The following RICTOR variants were observed in gnomAD, a reference collection of about 807,000 sequenced individuals.
RICTOR encodes RPTOR independent companion of MTOR complex 2.
A neutral mutation model predicts 214.9 loss-of-function variants in RICTOR; 49 were observed. The observed-to-expected ratio is 0.23, with a 90% CI of 0.18 to 0.29. The LOEUF is 0.29. RICTOR is among the 10% of genes least tolerant of loss of function. The pLI, the probability that RICTOR is intolerant of heterozygous loss-of-function variation, is 1.00. For missense variants in RICTOR, 1,625 were observed against 2,047.0 expected (o/e 0.79, Z 3.98); for synonymous variants, 717 against 711.3 (o/e 1.01, Z -0.13).
chr5:38,939,413 C>T lies in RICTOR; in HGVS notation c.*2891G>A, dbSNP rs1490715873. 4.3e-6 allele frequency: 1 copy of T among 232,002 alleles called. No individual in the cohort carries two copies. Among genetic ancestry groups the T allele is most frequent in the Non-Finnish European group, 8.5e-6 (1 of 117,424 alleles). The allele number at this position is 232,002 out of a possible 1,614,324, so 14.4% of individuals were successfully genotyped here. A position where few individuals can be genotyped will look rare whatever the true frequency, so the allele number is the denominator to read the frequency against. ...TGTCATATAGAATGTCCATATTCTA[C>T]TAATCGTTATTAGAAAAAATTTAAT... On this transcript the variant is annotated 3_prime_UTR_variant, in exon 38 of 38. Transcript: ENST00000357387.
intron 6 of RICTOR, among the ~76,000 whole-genome samples, chr5:38,995,469 C>T (rs779948784): frequency 6.6e-6 from 1 of 151,996 alleles, no homozygotes; most frequent in African/African-American, 2.4e-5. Context: ...GTACAGTGTA[C>T]ACTGCTTGGG....
At chr5:39,064,993 C>T (rs1208769587) in intron 2 of RICTOR, among the ~76,000 whole-genome samples, 1 of 152,182 alleles carries the variant, frequency 6.6e-6, no homozygotes, top group Non-Finnish European at 1.5e-5. Context: ...CTCTGGACTT[C>T]AACTTCAATG....
intron 16 of RICTOR, among the ~76,000 whole-genome samples, chr5:38,964,140 AAAC>A (rs1483356436): frequency 6.6e-6 from 1 of 151,908 alleles, no homozygotes; most frequent in Non-Finnish European, 1.5e-5. Flanking sequence ...CAAAATAAAA[AAAC>A]AACCACAAAA....
rs1242484154 is a variant in RICTOR, at chr5:38,940,736, T to A, written c.*1568A>T. 3 of 232,430 alleles carry A rather than the reference T, an allele frequency of 1.3e-5. No individual in the cohort carries two copies. Among genetic ancestry groups the A allele is most frequent in the Non-Finnish European group, 2.6e-5 (3 of 117,410 alleles). The allele number at this position is 232,430 out of a possible 1,614,324, so 14.4% of individuals were successfully genotyped here. ...TTATGAAGTGAGATGAAATGCTTCA[T>A]CCCAACTGGAACTTTCAGTTCCAGT... On this transcript the variant is annotated 3_prime_UTR_variant, in exon 38 of 38. Coordinates refer to ENST00000357387, the MANE Select transcript of RICTOR (RefSeq NM_152756.5).
chr5:38,943,035 G>A (rs1165474663), intron 36 of RICTOR, 64 bp from the exon 37 acceptor site: 2 of 1,228,056 alleles, frequency 1.6e-6, no homozygotes, highest in Non-Finnish European at 1.2e-6. Flanking sequence ...TTCCTCCAAG[G>A]TATCACTTAC....
chr5:39,011,875 T>C (rs576498725), intron 3 of RICTOR, among the ~76,000 whole-genome samples: 1 of 152,308 alleles, frequency 6.6e-6, no homozygotes, highest in African/African-American at 2.4e-5. Flanking sequence ...CGGAAGGGAC[T>C]TGCCTTGTCT....
intron 9 of RICTOR, among the ~76,000 whole-genome samples, chr5:38,975,879 T>C (rs1405139900): frequency 6.6e-6 from 1 of 152,226 alleles, no homozygotes. Flanking sequence ...AGATAAGATT[T>C]AATTAAGCAT....
rs1315707210 is a variant in RICTOR at position 38,937,969 on chromosome 5, T to C, written c.*4335A>G. 5.3e-6 allele frequency: 1 copy of C among 189,168 alleles called. No individual in the cohort carries two copies. The highest frequency in any genetic ancestry group is 2.3e-5 in the African/African-American group (1 of 42,840). 11.7% of individuals were successfully genotyped at this position (189,168 alleles called of 1,614,324 possible). A position where few individuals can be genotyped will look rare whatever the true frequency, so the allele number is the denominator to read the frequency against. ...TTAACAATGTATCCCTTTGATAAGA[T>C]TATGCTTCAGGAGGCTTTTAATGCC... On this transcript the variant is annotated 3_prime_UTR_variant, in exon 38 of 38. Coordinates refer to ENST00000357387, the MANE Select transcript of RICTOR (RefSeq NM_152756.5). The surrounding 1 kb of genome is among the most constrained non-coding windows in gnomAD (Gnocchi z 4.0).
At chr5:39,007,195 T>C (rs1476846932) in intron 3 of RICTOR, among the ~76,000 whole-genome samples, 1 of 152,182 alleles carries the variant, frequency 6.6e-6, no homozygotes, top group Non-Finnish European at 1.5e-5. Context: ...TGTCACAGAC[T>C]GGGTGGCTTA....
chr5:39,040,239 T>TTC (rs1237783672), intron 2 of RICTOR, among the ~76,000 whole-genome samples: 1 of 146,792 alleles, frequency 6.8e-6, no homozygotes, highest in Non-Finnish European at 1.5e-5. Context: ...ACACCACATG[T>TTC]TCTCACTCAT....
chr5:38,996,670 AATTT>A (rs551156124), intron 6 of RICTOR, 145 bp downstream of exon 6: 17 of 501,528 alleles, frequency 3.4e-5, no homozygotes, highest in East Asian at 9.6e-5. Context: ...AAGTTTAATG[AATTT>A]ATTTAATATA....
At chr5:38,991,830 T>C (rs890570302) in intron 6 of RICTOR, among the ~76,000 whole-genome samples, 1 of 152,130 alleles carries the variant, frequency 6.6e-6, no homozygotes, top group Non-Finnish European at 1.5e-5. Context: ...AGCTAATTAC[T>C]GTTTAATAAA....
At position 39,046,575 on chromosome 5, in the gene RICTOR, T is replaced by C. The variant is rs181272929; in HGVS notation, c.98-25439A>G. Among the ~76,000 whole-genome samples, 23 of 152,200 alleles carry C rather than the reference T, an allele frequency of 1.5e-4. No homozygotes were observed. The East Asian group carries it at 3.5e-3, about 23-fold the overall frequency. ...CTCCTCAAGCTTACCATTTGCCTAA[T>C]TCAAAGTTTTTCTCTCAGCTTTTCA... On this transcript the variant is annotated intron_variant, in intron 2 of 37. Coordinates refer to ENST00000357387, the MANE Select transcript of RICTOR (RefSeq NM_152756.5).
At position 38,941,561 on chromosome 5, in the gene RICTOR, A is replaced by T. The variant is rs1747573667; in HGVS notation, c.*743T>A. On this transcript the variant is annotated 3_prime_UTR_variant, in exon 38 of 38. Transcript: ENST00000357387. ...ATGGGAAATATTTTTAATTAAAATA[A>T]AAAATGATTTTTAAATTTTATTCAA... 4.3e-6 allele frequency: 1 copy of T among 231,216 alleles called. No individual in the cohort carries two copies. The highest frequency in any genetic ancestry group is 2.2e-5 in the African/African-American group (1 of 45,250). The allele number at this position is 231,216 out of a possible 1,614,324, so 14.3% of individuals were successfully genotyped here.
At chr5:39,059,425 T>C (rs1291197418) in intron 2 of RICTOR, among the ~76,000 whole-genome samples, 2 of 152,142 alleles carry the variant, frequency 1.3e-5, no homozygotes, top group African/African-American at 2.4e-5. Flanking sequence ...ATTATGTTTC[T>C]TGATCTGGGT....
chr5:38,982,235 T>C (rs1751770940), intron 7 of RICTOR, among the ~76,000 whole-genome samples, 199 bp from the exon 8 acceptor site: 1 of 152,180 alleles, frequency 6.6e-6, no homozygotes, highest in Non-Finnish European at 1.5e-5. Flanking sequence ...ATTTAAAATA[T>C]CTTTGGATTG....
rs1756683294 is a variant in RICTOR, at chr5:39,036,255, C to G, written c.98-15119G>C. ...AAGGAGAAATAAAATACTTTACAGA[C>G]AAGCAAATGCTGAGAGATTTTGTCA... On this transcript the variant is annotated intron_variant, in intron 2 of 37. Transcript: ENST00000357387. 2.0e-5 allele frequency among the ~76,000 whole-genome samples: 3 copies of G among 152,130 alleles called. No individual in the cohort carries two copies. In the South Asian group the frequency reaches 6.2e-4, roughly 32 times the overall value.
chr5:38,998,202 T>G (rs913541276), intron 5 of RICTOR, among the ~76,000 whole-genome samples: 27 of 152,206 alleles, frequency 1.8e-4, no homozygotes, highest in African/African-American at 6.5e-4. Flanking sequence ...AGAATAAAAC[T>G]TAACTCTCTT....
At chr5:39,018,310 T>C (rs1043501268) in intron 3 of RICTOR, among the ~76,000 whole-genome samples, 2 of 152,132 alleles carry the variant, frequency 1.3e-5, no homozygotes, top group African/African-American at 4.8e-5. Context: ...AAGAGAAAGT[T>C]ATAATATAGT....
Sources: allele counts gnomAD v4.1 joint callset (sites outside exome capture counted in the v4.1 genomes callset), GRCh38; gene constraint gnomAD v4.1.1; non-coding constraint Gnocchi (gnomAD v3.1); transcripts MANE v1.5; gene names NCBI Gene and HGNC (gene_info 2026-07-23, HGNC 2026-07-21).